GDA: variants seen among roughly 807,000 people sequenced by gnomAD.
The protein encoded by GDA is cytoplasmic PSD-95 interactor.
A neutral mutation model predicts 59.6 loss-of-function variants in GDA; 18 were observed. The ratio of observed to expected loss-of-function variants is 0.30; its 90% CI spans 0.21 to 0.45. The LOEUF is 0.45. Among genes scored for constraint, GDA ranks in the 20% least tolerant of loss-of-function variants. The pLI, the probability that GDA is intolerant of heterozygous loss-of-function variation, is 1.00. For synonymous variants in GDA, 201 were observed against 201.1 expected (o/e 1.00, Z 0.00); for missense variants, 427 against 552.3 (o/e 0.77, Z 2.27).
At chr9:72,224,489 C>T (rs780184389) in intron 7 of GDA, among the ~76,000 whole-genome samples, 5 of 151,974 alleles carry the variant, frequency 3.3e-5, no homozygotes, top group Non-Finnish European at 7.4e-5. Context: ...TTTTGTGGTG[C>T]CCTAGAGAAA....
intron 9 of GDA, chr9:72,229,199 A>G (rs1838013408): frequency 1.6e-5 from 2 of 124,246 alleles, no homozygotes. Context: ...AAAAAAAAAA[A>G]TATTAGCCGG....
upstream of GDA, among the ~76,000 whole-genome samples, chr9:72,146,080 A>G (rs1334279279): frequency 6.9e-6 from 1 of 144,518 alleles, no homozygotes; most frequent in Admixed American, 7.0e-5. Flanking sequence ...AACTCAGGGG[A>G]GGAACACTTA....
downstream of GDA, among the ~76,000 whole-genome samples, chr9:72,258,978 G>A (rs1206799837): frequency 1.3e-5 from 2 of 151,896 alleles, no homozygotes. Context: ...TCCTCTGGCT[G>A]CAATCAGCAT....
intron 1 of GDA, among the ~76,000 whole-genome samples, chr9:72,136,990 A>AAACAACAAC (rs143720929): frequency 8.6e-5 from 13 of 151,460 alleles, no homozygotes; most frequent in African/African-American, 3.2e-4. Context: ...CTCAAAAAGA[A>AAACAACAAC]AACAACAACA....
At chr9:72,176,683 A>G (rs1563947569) in intron 1 of GDA, among the ~76,000 whole-genome samples, 1 of 152,138 alleles carries the variant, frequency 6.6e-6, no homozygotes, top group Non-Finnish European at 1.5e-5. Flanking sequence ...CTGTTCATGA[A>G]ATTGAAAGCT....
chr9:72,218,922 C>T (rs537361083), intron 5 of GDA, among the ~76,000 whole-genome samples: 4 of 152,094 alleles, frequency 2.6e-5, no homozygotes, highest in Non-Finnish European at 5.9e-5. Context: ...ACAGCCCGAC[C>T]GATGCTAGAT....
intron 1 of GDA, among the ~76,000 whole-genome samples, chr9:72,153,963 TAAA>T (rs144225313): frequency 2.7e-5 from 4 of 149,330 alleles, no homozygotes; most frequent in South Asian, 2.1e-4. Context: ...TAAAGTATAA[TAAA>T]AAAAAAATAT....
At chr9:72,235,140 T>G (rs1306706209) in intron 10 of GDA, among the ~76,000 whole-genome samples, 1 of 152,104 alleles carries the variant, frequency 6.6e-6, no homozygotes, top group African/African-American at 2.4e-5. Context: ...TAAAGGAGTT[T>G]AAAAAATGAA....
chr9:72,133,305 A>ATAATAATAATAAT (rs1293322271), intron 1 of GDA, among the ~76,000 whole-genome samples: 15,111 of 131,116 alleles, frequency 0.12, 1,130 homozygotes, highest in East Asian at 0.37. Flanking sequence ...AAAAAAAAAA[A>ATAATAATAATAAT]AAAAATAATA....
intron 1 of GDA, among the ~76,000 whole-genome samples, chr9:72,184,761 T>G (rs891459065): frequency 6.6e-6 from 1 of 152,238 alleles, no homozygotes; most frequent in African/African-American, 2.4e-5. Flanking sequence ...AGAAAAATGT[T>G]AAATGTTATT....
chr9:72,139,844 C>T (rs1172453297), intron 1 of GDA, among the ~76,000 whole-genome samples: 1 of 152,130 alleles, frequency 6.6e-6, no homozygotes, highest in Non-Finnish European at 1.5e-5. Context: ...ATTTAACTTA[C>T]ATCATGTATT....
chr9:72,146,870 C>A (rs953998542), upstream of GDA, among the ~76,000 whole-genome samples: 8 of 152,182 alleles, frequency 5.3e-5, no homozygotes, highest in African/African-American at 1.7e-4. Context: ...ATCCTGGGCC[C>A]AGGTACCTAC....
At position 72,250,417 on chromosome 9, in the gene GDA, C is replaced by T. The variant is rs1436325578; in HGVS notation, c.*2075C>T. The stretch of plus-strand genomic sequence containing the variant: ...AGTAGGAATGGCCGTATACAACCAT[C>T]CTGTTAAACATTTAAATTTAGCTCT... On this transcript the variant is annotated 3_prime_UTR_variant, in exon 14 of 14. Coordinates refer to ENST00000358399, the MANE Select transcript of GDA (RefSeq NM_004293.5). The T allele has an allele frequency of 3.4e-6, 4 of 1,189,848 alleles. No individual in the cohort carries two copies. Among genetic ancestry groups the T allele is most frequent in the Admixed American group, 8.5e-5 (2 of 23,452 alleles). 73.7% of individuals were successfully genotyped at this position (1,189,848 alleles called of 1,614,324 possible).
At chr9:72,146,995 C>T (rs536098463), upstream of GDA, among the ~76,000 whole-genome samples, 10 of 152,076 alleles carry the variant, frequency 6.6e-5, no homozygotes, top group South Asian at 2.1e-4. Context: ...CTGCTTAAGA[C>T]GATTAATTTC....
At chr9:72,193,154 G>T (rs1317946581) in intron 1 of GDA, among the ~76,000 whole-genome samples, 1 of 145,118 alleles carries the variant, frequency 6.9e-6, no homozygotes, top group African/African-American at 2.4e-5. Flanking sequence ...CATTTGGTTA[G>T]GTCATTTTTT....
intron 1 of GDA, among the ~76,000 whole-genome samples, chr9:72,189,183 T>G (rs1053485550): frequency 2.4e-5 from 3 of 124,242 alleles, no homozygotes; most frequent in African/African-American, 8.4e-5. Flanking sequence ...TTTTTTTTTT[T>G]TTTTTTTTTT....
chr9:72,212,770 A>G (rs937294401), intron 4 of GDA, among the ~76,000 whole-genome samples: 1 of 152,046 alleles, frequency 6.6e-6, no homozygotes, highest in Admixed American at 6.6e-5. Flanking sequence ...GATCCAAGGG[A>G]TGGTGGTAGA....
intron 3 of GDA, among the ~76,000 whole-genome samples, chr9:72,205,143 C>CAT (rs1181374357): frequency 6.7e-6 from 1 of 149,772 alleles, no homozygotes; most frequent in Non-Finnish European, 1.5e-5. Flanking sequence ...TTGCGGAGCA[C>CAT]ATATCCTATG....
chr9:72,140,624 T>TA (rs939015852), intron 1 of GDA, among the ~76,000 whole-genome samples: 1 of 152,182 alleles, frequency 6.6e-6, no homozygotes, highest in Non-Finnish European at 1.5e-5. Flanking sequence ...ATATTAATGA[T>TA]AAAATTGATG....
Sources: gnomAD v4.1 joint callset for allele counts (sites outside exome capture counted in the v4.1 genomes callset) on GRCh38, gnomAD v4.1.1 for gene constraint, MANE v1.5 for transcripts, NCBI Gene and HGNC (gene_info 2026-07-23, HGNC 2026-07-21) for gene names.